Variants in NRG4 observed in about 807,000 individuals in gnomAD.
NRG4 encodes the protein pro-neuregulin-4, membrane-bound isoform.
A neutral mutation model predicts 15.0 loss-of-function variants in NRG4; 10 were observed. The ratio of observed to expected loss-of-function variants is 0.67; its 90% CI spans 0.41 to 1.13. The LOEUF (loss-of-function observed/expected upper bound fraction) is 1.13, where lower values mean the gene tolerates loss of function less well. NRG4 is among the 50% of genes most tolerant of loss of function. NRG4 has a pLI of 0.00. For synonymous variants in NRG4, 41 were observed against 50.1 expected, an observed-to-expected ratio of 0.82 and a Z score of 0.77; for missense variants, 139 against 140.2, an observed-to-expected ratio of 0.99 and a Z score of 0.04.
At chr15:76,019,714 C>T (rs1011053012) in intron 5 of NRG4, among the ~76,000 whole-genome samples, 2 of 152,158 alleles carry the variant, frequency 1.3e-5, no homozygotes, top group Non-Finnish European at 2.9e-5. Context: ...CCAGGTTCCT[C>T]AGCCAGAAAT....
intron 3 of NRG4, among the ~76,000 whole-genome samples, chr15:75,983,421 C>A (rs1402709629): frequency 1.3e-5 from 2 of 152,100 alleles, no homozygotes; most frequent in Admixed American, 6.6e-5. Flanking sequence ...TAAAGACATT[C>A]CCATCAAAGT....
chr15:75,967,069 G>C (rs907954690), intron 3 of NRG4, among the ~76,000 whole-genome samples: 3 of 146,310 alleles, frequency 2.1e-5, no homozygotes, highest in African/African-American at 7.7e-5. Flanking sequence ...AGCTGAGATC[G>C]CGCCGCTGCA....
intron 4 of NRG4, among the ~76,000 whole-genome samples, chr15:76,038,837 C>T (rs1201556805): frequency 2.6e-5 from 4 of 152,204 alleles, no homozygotes; most frequent in South Asian, 4.1e-4. Flanking sequence ...CAGGTCTAAC[C>T]CAGCACAGTC....
At chr15:76,043,436 C>T (rs536818457) in intron 4 of NRG4, among the ~76,000 whole-genome samples, 2 of 152,224 alleles carry the variant, frequency 1.3e-5, no homozygotes, top group South Asian at 2.1e-4. Flanking sequence ...AACTGATAAA[C>T]GAATTCAGCA....
chr15:75,950,933 G>T, intron 5 of NRG4: 1 of 202,390 alleles, frequency 4.9e-6, no homozygotes, highest in Admixed American at 4.5e-5. Flanking sequence ...TGTCACTAAA[G>T]ATCATCACCA....
At chr15:75,962,815 C>A (rs1435537084) in intron 3 of NRG4, among the ~76,000 whole-genome samples, 1 of 152,164 alleles carries the variant, frequency 6.6e-6, no homozygotes, top group Non-Finnish European at 1.5e-5. Flanking sequence ...AAATAAAAAA[C>A]ACTTTAATAT....
intron 4 of NRG4, among the ~76,000 whole-genome samples, chr15:76,048,888 T>C (rs890551538): frequency 4.0e-5 from 6 of 149,958 alleles, no homozygotes; most frequent in Non-Finnish European, 7.4e-5. Context: ...CTAATAAAAA[T>C]ACAAAAATTA....
intron 5 of NRG4, among the ~76,000 whole-genome samples, chr15:76,033,307 G>GCA (rs1360468614): frequency 5.3e-5 from 8 of 152,090 alleles, no homozygotes; most frequent in Non-Finnish European, 1.0e-4. Flanking sequence ...TGTCATCCTA[G>GCA]CACATTAGGG....
At chr15:75,939,653 T>C (rs958478173), downstream of NRG4, 2 of 152,184 alleles carry the variant, frequency 1.3e-5, no homozygotes, top group Non-Finnish European at 2.9e-5. Context: ...ACTAGGAAAC[T>C]GAATTTAGCA....
chr15:76,015,787 G>C (rs1214619509), upstream of NRG4, among the ~76,000 whole-genome samples: 1 of 152,144 alleles, frequency 6.6e-6, no homozygotes, highest in East Asian at 1.9e-4. Flanking sequence ...TATTCATCAG[G>C]GATGTTGGCC....
chr15:75,970,430 T>C (rs897389577), intron 3 of NRG4, among the ~76,000 whole-genome samples: 1 of 152,270 alleles, frequency 6.6e-6, no homozygotes, highest in Non-Finnish European at 1.5e-5. Context: ...TGACAAATGA[T>C]AATTCCACCT....
rs202215050 is a variant in NRG4 at position 75,990,680 on chromosome 15, T to TG, written c.104+18519_104+18520insC. ...ACTGTAGTTGGTAATTGTTTTTTTT[T>TG]TTTGTTTTTTTTTTTTTTGAGACAG... is the stretch of plus-strand genomic sequence containing the variant. On this transcript the variant is annotated intron_variant, in intron 3 of 5. Transcript: ENST00000394907. 9.3e-3 allele frequency among the ~76,000 whole-genome samples: 1,369 copies of TG among 147,696 alleles called. 15 individuals carry two copies. The highest frequency in any genetic ancestry group is 0.017 in the South Asian group (83 of 4,748).
At chr15:75,972,299 T>A (rs1196050023) in intron 3 of NRG4, among the ~76,000 whole-genome samples, 1 of 152,186 alleles carries the variant, frequency 6.6e-6, no homozygotes, top group Admixed American at 6.5e-5. Flanking sequence ...ATTGCAAAAA[T>A]TTTCTCACAT....
chr15:76,043,022 C>T (rs1199804716), intron 4 of NRG4, among the ~76,000 whole-genome samples: 1 of 152,006 alleles, frequency 6.6e-6, no homozygotes, highest in African/African-American at 2.4e-5. Context: ...CAATGTGATA[C>T]ATCATATCAA....
chr15:75,942,664 AG>A lies in NRG4; in HGVS notation c.*973del, dbSNP rs2031120481. 6.6e-6 allele frequency: 1 copy of A among 152,242 alleles called. No individual in the cohort carries two copies. The highest frequency in any genetic ancestry group is 2.4e-5 in the African/African-American group (1 of 41,436). 9.4% of individuals were successfully genotyped at this position (152,242 alleles called of 1,614,324 possible). A position where few individuals can be genotyped will look rare whatever the true frequency, so the allele number is the denominator to read the frequency against. On this transcript the variant is annotated 3_prime_UTR_variant, in exon 6 of 6. Coordinates refer to ENST00000394907, the MANE Select transcript of NRG4 (RefSeq NM_138573.4). ...CTGGGCCAGACTGTGTAGAGAAGCC[AG>A]CGTGCATCCCAGCCTTGACGAGGAC...
upstream of NRG4, among the ~76,000 whole-genome samples, chr15:76,016,446 T>A (rs1361666473): frequency 6.6e-6 from 1 of 152,232 alleles, no homozygotes; most frequent in East Asian, 1.9e-4. Flanking sequence ...CAATTTTAGA[T>A]CTTTCCTGCT....
At chr15:76,016,512 G>A (rs1012569490), upstream of NRG4, among the ~76,000 whole-genome samples, 9 of 152,148 alleles carry the variant, frequency 5.9e-5, no homozygotes, top group African/African-American at 2.2e-4. Flanking sequence ...CTTTAGCTGT[G>A]TCCCAGAGAT....
intron 5 of NRG4, among the ~76,000 whole-genome samples, chr15:76,035,617 G>A (rs2035581411): frequency 1.3e-5 from 2 of 152,020 alleles, no homozygotes; most frequent in South Asian, 4.1e-4. Context: ...TACATTTTAG[G>A]TACAGAAATC....
intron 5 of NRG4, among the ~76,000 whole-genome samples, chr15:76,031,545 C>G (rs766559273): frequency 6.6e-6 from 1 of 152,136 alleles, no homozygotes; most frequent in Non-Finnish European, 1.5e-5. Context: ...AATAAATCAG[C>G]CAGGCATGGC....
Sources: gnomAD v4.1 joint callset for allele counts (sites outside exome capture counted in the v4.1 genomes callset) on GRCh38, gnomAD v4.1.1 for gene constraint, MANE v1.5 for transcripts, NCBI Gene and HGNC (gene_info 2026-07-23, HGNC 2026-07-21) for gene names.